The following XIAP variants were observed in gnomAD, a reference collection of about 807,000 sequenced individuals.
The protein encoded by XIAP is E3 ubiquitin-protein ligase XIAP.
A neutral mutation model predicts 33.1 loss-of-function variants in XIAP; 3 were observed. The ratio of observed to expected loss-of-function variants is 0.09; its 90% CI spans 0.04 to 0.23. The LOEUF is 0.23. Ranked by LOEUF, XIAP falls within the 10% of genes least tolerant of loss-of-function variation. XIAP has a pLI of 1.00. For missense variants in XIAP, 264 were observed against 363.0 expected (o/e 0.73, Z 2.22); for synonymous variants, 98 against 121.3 (o/e 0.81, Z 1.26).
chrX:123,888,833 G>C (rs2053377589), intron 3 of XIAP, 115 bp downstream of exon 3: 4 of 633,036 alleles, frequency 6.3e-6, no homozygotes, highest in Non-Finnish European at 1.0e-5. Context: ...ATTCATGCTA[G>C]GTTTATAAAA....
In XIAP at chrX:123,886,377, A is replaced by G. The variant is rs1430676660; in HGVS notation, c.715A>G (p.Ser239Gly). The change falls in exon 2 of 7, where the codon AGT (serine) becomes GGT (glycine). Residue 239 changes from serine (S) to glycine (G), a missense_variant. Ser to Gly is a moderately conservative substitution (Grantham distance 56, BLOSUM62 0). Coordinates refer to ENST00000371199, the MANE Select transcript of XIAP (RefSeq NM_001167.4). ...FVLGRNLNIR[S>G]ESDAVSSDRN... ...TTTGGGCCGGAATCTTAATATTCGA[A>G]GTGAATCTGATGCTGTGAGTTCTGA... 2.5e-6 allele frequency: 3 copies of G among 1,211,847 alleles called. No individual in the cohort carries two copies. The Admixed American group carries it at 6.5e-5, about 26-fold the overall frequency.
intron 1 of XIAP, among the ~76,000 whole-genome samples, chrX:123,878,187 CAA>C (rs1210197451): frequency 9.0e-6 from 1 of 111,413 alleles, no homozygotes; most frequent in East Asian, 2.8e-4. Context: ...TCTGATCCAC[CAA>C]AGTTTATGCA....
intron 1 of XIAP, among the ~76,000 whole-genome samples, chrX:123,860,952 C>T (rs1179746061): frequency 8.9e-6 from 1 of 111,754 alleles, no homozygotes; most frequent in Non-Finnish European, 1.9e-5. Flanking sequence ...AGTTTGCTTT[C>T]AAATATAATT....
chrX:123,880,499 G>T (rs937783010), intron 1 of XIAP, among the ~76,000 whole-genome samples: 3 of 107,865 alleles, frequency 2.8e-5, no homozygotes, highest in African/African-American at 1.0e-4. Context: ...CACTTTGGGA[G>T]TTCGAGGCAG....
intron 1 of XIAP, among the ~76,000 whole-genome samples, chrX:123,865,601 G>A (rs963710134): frequency 4.4e-4 from 48 of 108,638 alleles, no homozygotes; most frequent in Non-Finnish European, 7.7e-4. Flanking sequence ...GCAGGCGCCT[G>A]TAGTCCCAGC....
chrX:123,894,803 G>T (rs1319142357), intron 5 of XIAP, among the ~76,000 whole-genome samples: 1 of 108,946 alleles, frequency 9.2e-6, no homozygotes, highest in East Asian at 2.8e-4. Flanking sequence ...AATTACCAGG[G>T]CGTGGTGGCA....
rs956279494 is a variant in XIAP at position 123,913,164 on chromosome X, A to G, written c.*5983A>G. On this transcript the variant is annotated 3_prime_UTR_variant, in exon 7 of 7. Transcript: ENST00000371199. ...AAAACCCCAGGGATAGCAAGGGACAATTGTATCTTCAAAGTAGACAAATGG... is the reference window on the plus strand; with the variant it reads ...AAAACCCCAGGGATAGCAAGGGACAGTTGTATCTTCAAAGTAGACAAATGG... The G allele has an allele frequency of 2.5e-5, 8 of 326,223 alleles. No homozygotes were observed. Among genetic ancestry groups the G allele is most frequent in the East Asian group, 1.0e-4 (1 of 10,044 alleles). 26.9% of individuals were successfully genotyped at this position (326,223 alleles called of 1,213,427 possible). A position where few individuals can be genotyped will look rare whatever the true frequency, so the allele number is the denominator to read the frequency against.
chrX:123,862,720 T>C (rs2053092618), intron 1 of XIAP, among the ~76,000 whole-genome samples: 1 of 108,206 alleles, frequency 9.2e-6, no homozygotes, highest in Admixed American at 1.0e-4. Context: ...CCGGGTGTGG[T>C]GGCGTGCACC....
chrX:123,867,564 T>G (rs2053153677), intron 1 of XIAP, among the ~76,000 whole-genome samples: 1 of 109,289 alleles, frequency 9.2e-6, no homozygotes, highest in Non-Finnish European at 1.9e-5. Context: ...AGTGGAGGCA[T>G]GGTTTCCCCA....
At chrX:123,896,415 G>A (rs1210455764) in intron 5 of XIAP, among the ~76,000 whole-genome samples, 1 of 110,637 alleles carries the variant, frequency 9.0e-6, no homozygotes, top group Non-Finnish European at 1.9e-5. Context: ...ACAGTCTAGG[G>A]GGATGGGTTA....
chrX:123,903,619 G>GTTTTTTTTTTTTTT (rs1163905528), intron 6 of XIAP, among the ~76,000 whole-genome samples: 2 of 55,300 alleles, frequency 3.6e-5, no homozygotes, highest in African/African-American at 1.5e-4. Context: ...GTTTGTTTCA[G>GTTTTTTTTTTTTTT]TTTTTTTTTT....
At chrX:123,894,138 T>A (rs1373369705) in intron 5 of XIAP, among the ~76,000 whole-genome samples, 2 of 112,518 alleles carry the variant, frequency 1.8e-5, no homozygotes, top group Non-Finnish European at 3.8e-5. Context: ...GAGGTGTAAG[T>A]TTTGGTTTGT....
Position 123,913,002 on chromosome X carries a change from A to G in XIAP, c.*5821A>G, listed in dbSNP as rs1376566726. ...CGCGGTGTTGACCAGGCTGGTCTCG[A>G]ACTCCTGATCTCAGGTGATCTGCCT... is the stretch of plus-strand genomic sequence containing the variant. On this transcript the variant is annotated 3_prime_UTR_variant, in exon 7 of 7. Transcript: ENST00000371199. 1 of 278,356 alleles carries G rather than the reference A, an allele frequency of 3.6e-6. No individual in the cohort carries two copies. The highest frequency in any genetic ancestry group is 7.0e-6 in the Non-Finnish European group (1 of 143,813). The allele number at this position is 278,356 out of a possible 1,213,427, so 22.9% of individuals were successfully genotyped here. A position where few individuals can be genotyped will look rare whatever the true frequency, so the allele number is the denominator to read the frequency against.
chrX:123,895,786 G>T (rs1401271369), intron 5 of XIAP, among the ~76,000 whole-genome samples: 1 of 105,398 alleles, frequency 9.5e-6, no homozygotes. Context: ...TTTTGAGACG[G>T]AGTCTTGCTC....
chrX:123,899,082 TA>T (rs1319252753), intron 5 of XIAP, among the ~76,000 whole-genome samples: 1 of 75,011 alleles, frequency 1.3e-5, no homozygotes, highest in Non-Finnish European at 2.3e-5. Context: ...GACGCGCCAT[TA>T]CACTCCGGCC....
In XIAP at chrX:123,910,177, C is replaced by G. The variant is rs761862997; in HGVS notation, c.*2996C>G. The G allele has an allele frequency of 3.1e-6, 1 of 326,623 alleles. No individual in the cohort carries two copies. Among genetic ancestry groups the G allele is most frequent in the African/African-American group, 2.7e-5 (1 of 37,694 alleles). 26.9% of individuals were successfully genotyped at this position (326,623 alleles called of 1,213,427 possible). On this transcript the variant is annotated 3_prime_UTR_variant, in exon 7 of 7. Coordinates refer to ENST00000371199, the MANE Select transcript of XIAP (RefSeq NM_001167.4). ...GAGAACTGGTTTTAGCATTTACAAA[C>G]TAAATTCCAGTTAATTAATTAATAG...
At position 123,862,653 on chromosome X, in the gene XIAP, G is replaced by C. The variant is rs976736877; in HGVS notation, c.-33+2360G>C. On this transcript the variant is annotated intron_variant, in intron 1 of 6. Coordinates refer to ENST00000371199, the MANE Select transcript of XIAP (RefSeq NM_001167.4). The stretch of plus-strand genomic sequence containing the variant: ...AGGCGGGCAGATCACCTGAGGTCAG[G>C]AGTTGGAGTCCAGACTGGCCAACAT... Among the ~76,000 whole-genome samples, 7 of 108,933 alleles carry C rather than the reference G, an allele frequency of 6.4e-5. 1 individual carries two copies. Among genetic ancestry groups the C allele is most frequent in the African/African-American group, 2.3e-4 (7 of 29,920 alleles). The allele number at this position is 108,933 out of a possible 115,157, so 94.6% of individuals were successfully genotyped here.
chrX:123,905,540 A>G (rs1228975890), intron 6 of XIAP, among the ~76,000 whole-genome samples: 1 of 111,324 alleles, frequency 9.0e-6, no homozygotes, highest in Non-Finnish European at 1.9e-5. Flanking sequence ...TCTTCATAAC[A>G]CATTGTAATT....
At chrX:123,862,401 C>T (rs1207673311) in intron 1 of XIAP, among the ~76,000 whole-genome samples, 7 of 100,705 alleles carry the variant, frequency 7.0e-5, no homozygotes, top group Admixed American at 1.1e-4. Context: ...GACAGAGTTT[C>T]GCTTTTGTTT....
Sources: gnomAD v4.1 joint callset for allele counts (sites outside exome capture counted in the v4.1 genomes callset) on GRCh38, gnomAD v4.1.1 for gene constraint, MANE v1.5 for transcripts, NCBI Gene and HGNC (gene_info 2026-07-23, HGNC 2026-07-21) for gene names.